Variants in IFT172 observed in about 807,000 individuals in gnomAD.
IFT172 encodes the protein intraflagellar transport 172.
Under a neutral mutation model 248.9 loss-of-function variants are expected in IFT172, and 164 were observed. The ratio of observed to expected loss-of-function variants is 0.66; its 90% confidence interval spans 0.58 to 0.75. The LOEUF (loss-of-function observed/expected upper bound fraction) is 0.75, where lower values mean the gene tolerates loss of function less well. IFT172 is among the 30% of genes least tolerant of loss of function. IFT172 has a pLI of 0.00. For synonymous variants in IFT172, 729 were observed against 791.6 expected (o/e 0.92, Z 1.33); for missense variants, 1,950 against 2,192.4 (o/e 0.89, Z 2.21).
chr2:27,445,449 C>T lies in IFT172; in HGVS notation c.4915G>A (p.Glu1639Lys). 6.2e-7 allele frequency: 1 copy of T among 1,609,734 alleles called. No homozygotes were observed. The highest frequency in any genetic ancestry group is 8.5e-7 in the Non-Finnish European group (1 of 1,178,186). The change falls in exon 46 of 48, where the codon GAG (glutamate) becomes AAG (lysine). Residue 1639 changes from glutamate to lysine, a missense_variant and splice_region_variant. Physicochemically the swap from Glu to Lys is moderately conservative, Grantham distance 56. This residue lies in a region of IFT172 where 620 missense variants were observed against 699.0 expected (regional missense o/e 0.89). Transcript: ENST00000260570. This position sits in a 1 kb window ranked among gnomAD's most constrained non-coding sequence, Gnocchi z 4.4. ...VPLPAKQHVP[E>K]AEREEVRDWV... ...TCTCGAACCTCTTCTCTCTCAGCCT[C>T]CTGGAAAGGACAAGAAGGGAGTGGT...
intron 16 of IFT172, among the ~76,000 whole-genome samples, chr2:27,466,524 G>A (rs1667094978): frequency 2.0e-5 from 3 of 152,202 alleles, no homozygotes; most frequent in South Asian, 4.2e-4. Context: ...CCTGATTCCT[G>A]CAGAAGCAAG....
chr2:27,457,605 G>A, intron 29 of IFT172, 34 bp downstream of exon 29: 3 of 1,546,954 alleles, frequency 1.9e-6, no homozygotes, highest in South Asian at 1.1e-5. Flanking sequence ...AAAGAAGGAT[G>A]GATGTATCCC....
At chr2:27,485,567 G>C in intron 1 of IFT172, 64 bp from the exon 2 acceptor site, 2 of 1,580,404 alleles carry the variant, frequency 1.3e-6, no homozygotes, top group Non-Finnish European at 1.7e-6. Context: ...AGCATTTCTA[G>C]CTTCATTAAT....
chr2:27,461,924 C>T (rs1666710453), intron 20 of IFT172, 88 bp from the exon 21 acceptor site: 2 of 1,442,314 alleles, frequency 1.4e-6, no homozygotes, highest in East Asian at 2.3e-5. Flanking sequence ...GCTAAGATGC[C>T]AGCCCATGAG....
intron 16 of IFT172, among the ~76,000 whole-genome samples, chr2:27,467,348 G>A (rs543638592): frequency 1.9e-4 from 26 of 139,824 alleles, no homozygotes; most frequent in African/African-American, 6.8e-4. Flanking sequence ...TCAGGCAGGA[G>A]GACTGCTTGA....
At chr2:27,465,677 C>T in intron 17 of IFT172, 69 bp downstream of exon 17, 1 of 1,601,268 alleles carries the variant, frequency 6.2e-7, no homozygotes, top group Non-Finnish European at 8.5e-7. Context: ...TTTTACACCC[C>T]ACCCCAGGTC....
At chr2:27,467,418 GAAA>G (rs34115935) in intron 16 of IFT172, among the ~76,000 whole-genome samples, 780 of 16,160 alleles carry the variant, frequency 0.048, 5 homozygotes, top group Middle Eastern at 0.1. Flanking sequence ...ACAGAAAATT[GAAA>G]AAAAAAAAAA....
At chr2:27,459,595 A>G in intron 24 of IFT172, 73 bp from the exon 25 acceptor site, 7 of 1,604,174 alleles carry the variant, frequency 4.4e-6, no homozygotes, top group Non-Finnish European at 6.0e-6. Context: ...GGACCCTTTA[A>G]GCACACTTCA....
chr2:27,482,188 G>A (rs997255863), intron 7 of IFT172, among the ~76,000 whole-genome samples: 2 of 151,396 alleles, frequency 1.3e-5, no homozygotes, highest in Admixed American at 1.3e-4. Context: ...TCACCATGTT[G>A]GCCAGGCTGG....
Position 27,465,778 on chromosome 2 carries a change from A to G in IFT172, c.1797T>C (p.Phe599=), listed in dbSNP as rs753790065. 2.0e-5 allele frequency: 32 copies of G among 1,613,956 alleles called. No individual in the cohort carries two copies. Among genetic ancestry groups the G allele is most frequent in the Non-Finnish European group, 2.6e-5 (31 of 1,180,020 alleles). The part of the protein sequence containing the change: ...AYTLDEGLIE[F]GTAIDDGNYI... ...AGTTGCCATCATCAATGGCTGTTCC[A>G]AACTCGATGAGGCCCTCATCCAATG... is the stretch of plus-strand genomic sequence containing the variant. The change falls in exon 17 of 48, where the codon TTT becomes TTC. Residue 599 remains phenylalanine (F), a synonymous_variant. Coordinates refer to ENST00000260570, the MANE Select transcript of IFT172 (RefSeq NM_015662.3).
chr2:27,482,666 C>G (rs1428559393), intron 7 of IFT172, among the ~76,000 whole-genome samples: 1 of 152,114 alleles, frequency 6.6e-6, no homozygotes, highest in Non-Finnish European at 1.5e-5. Flanking sequence ...TTTTCCTTTC[C>G]CCTTTCCAGA....
rs753745041 is a variant in IFT172, at chr2:27,479,461, G to A, written c.1005+48C>T. On this transcript the variant is annotated intron_variant, in intron 10 of 47. Transcript: ENST00000260570. Reference sequence around the variant, plus strand: ...GAAGGCAGGGAAATGTTATAAGGAGGAATGAGCCACGCAAGTTCTCAGTGC... The same window carrying A: ...GAAGGCAGGGAAATGTTATAAGGAGAAATGAGCCACGCAAGTTCTCAGTGC... 4.9e-6 allele frequency: 5 copies of A among 1,020,840 alleles called. No homozygotes were observed. The South Asian group carries it at 5.1e-5, about 10-fold the overall frequency. The allele number at this position is 1,020,840 out of a possible 1,614,324, so 63.2% of individuals were successfully genotyped here. A position where few individuals can be genotyped will look rare whatever the true frequency, so the allele number is the denominator to read the frequency against.
Position 27,461,063 on chromosome 2 carries a change from G to T in IFT172, c.2473C>A (p.Pro825Thr), listed in dbSNP as rs1224641303. 5.0e-6 allele frequency: 8 copies of T among 1,613,980 alleles called. No homozygotes were observed. Among genetic ancestry groups the T allele is most frequent in the Non-Finnish European group, 6.8e-6 (8 of 1,180,022 alleles). The part of the protein sequence containing the change: ...AGDLFEKIHN[P>T]QKALECYRKG... ...CGGTAGCACTCCAGGGCCTTCTGTG[G>T]ATTGTGAATCTTCTCAAAGAGATCA... The change falls in exon 23 of 48, where the codon CCA (proline) becomes ACA (threonine). Residue 825 changes from proline to threonine, a missense_variant. Transcript: ENST00000260570.
intron 30 of IFT172, among the ~76,000 whole-genome samples, chr2:27,456,169 C>T (rs1185817575): frequency 6.6e-6 from 1 of 152,104 alleles, no homozygotes; most frequent in African/African-American, 2.4e-5. Flanking sequence ...TGATATCGTG[C>T]CACTGCACTC....
chr2:27,472,418 T>C (rs1389636653), intron 14 of IFT172, 56 bp from the exon 15 acceptor site: 5 of 1,353,758 alleles, frequency 3.7e-6, no homozygotes, highest in Non-Finnish European at 5.2e-6. Flanking sequence ...ATACATAGTA[T>C]GGCCAACACA....
intron 7 of IFT172, among the ~76,000 whole-genome samples, chr2:27,483,001 CTT>C (rs10651081): frequency 1.1e-4 from 13 of 123,752 alleles, no homozygotes; most frequent in Admixed American, 1.7e-4. Context: ...TCCACAGCAT[CTT>C]TTTTTTTTTT....
At chr2:27,487,742 G>A (rs1255647768) in intron 1 of IFT172, among the ~76,000 whole-genome samples, 1 of 151,908 alleles carries the variant, frequency 6.6e-6, no homozygotes, top group African/African-American at 2.4e-5. Flanking sequence ...ACAGGCATGC[G>A]CCACCACATC....
At chr2:27,478,240 A>G (rs1303921531) in intron 10 of IFT172, 84 bp from the exon 11 acceptor site, 5 of 1,514,848 alleles carry the variant, frequency 3.3e-6, no homozygotes, top group African/African-American at 1.4e-5. Flanking sequence ...CCACCTCCAC[A>G]GCACTAAACA....
At chr2:27,465,543 T>C in intron 17 of IFT172, 25 bp from the exon 18 acceptor site, 1 of 1,607,782 alleles carries the variant, frequency 6.2e-7, no homozygotes, top group Non-Finnish European at 8.5e-7. Context: ...AAGCAAAGCA[T>C]AATGAATGAG....
Sources: allele counts gnomAD v4.1 joint callset (sites outside exome capture counted in the v4.1 genomes callset), GRCh38; gene constraint gnomAD v4.1.1; regional missense constraint gnomAD v4.1.1; non-coding constraint Gnocchi (gnomAD v3.1); transcripts MANE v1.5; gene names NCBI Gene and HGNC (gene_info 2026-07-23, HGNC 2026-07-21).